The following MYOM2 variants were observed in gnomAD, a reference collection of about 807,000 sequenced individuals.
The protein encoded by MYOM2 is myomesin 2.
MYOM2 carries 254 observed loss-of-function variants against 187.6 expected under a neutral mutation model. The observed-to-expected ratio is 1.35, with a 90% CI of 1.22 to 1.50. MYOM2 has a LOEUF of 1.50. Ranked by LOEUF, MYOM2 falls within the 40% of genes most tolerant of loss-of-function variation. The probability of loss-of-function intolerance (pLI) is 0.00; values close to 1 mark genes in which losing one functional copy is unlikely to be tolerated. For missense variants in MYOM2, 2,796 were observed against 1,924.0 expected, an observed-to-expected ratio of 1.45 and a Z score of -8.48; for synonymous variants, 981 against 753.8, an observed-to-expected ratio of 1.30 and a Z score of -4.94.
chr8:2,100,979 C>T lies in MYOM2; in HGVS notation c.2544C>T (p.Phe848=), dbSNP rs558634230. ...YSGSSPVSGY[F]VDFREEDAGE... The stretch of plus-strand genomic sequence containing the variant: ...GCAGCAGCCCTGTTTCTGGATATTT[C>T]GTGGACTTCAGGGAGGAGGATGCTG... Residue 848 remains phenylalanine (F), a synonymous_variant, in exon 20 of 37, where the codon TTC becomes TTT. Transcript: ENST00000262113. The T allele has an allele frequency of 3.2e-5, 51 of 1,614,144 alleles. No homozygotes were observed. The highest frequency in any genetic ancestry group is 3.0e-4 in the Admixed American group (18 of 60,014).
chr8:2,117,986 AT>A (rs1417108210), intron 28 of MYOM2, 34 bp downstream of exon 28: 2 of 1,592,002 alleles, frequency 1.3e-6, no homozygotes, highest in Admixed American at 3.4e-5. Flanking sequence ...AAAACAATAA[AT>A]CTCATTCTGG....
intron 22 of MYOM2, 46 bp downstream of exon 22, chr8:2,106,444 C>T (rs772785205): frequency 1.2e-6 from 2 of 1,610,480 alleles, no homozygotes; most frequent in Non-Finnish European, 1.7e-6. Flanking sequence ...TTAGAAGTTC[C>T]TGCAAACAGA....
At chr8:2,131,682 C>T (rs1357915442) in intron 32 of MYOM2, among the ~76,000 whole-genome samples, 4 of 144,032 alleles carry the variant, frequency 2.8e-5, no homozygotes. Flanking sequence ...CTCACTCTGT[C>T]ACCCAGGCTG....
At chr8:2,100,017 TTTCCTTCCTTCCTTCTTTCCTTCCTTCC>T (rs1796629947) in intron 19 of MYOM2, among the ~76,000 whole-genome samples, 2 of 136,260 alleles carry the variant, frequency 1.5e-5, no homozygotes, top group South Asian at 2.4e-4. Context: ...CCTTCCTTTC[TTTCCTTCCTTCCTTCTTTCCTTCCTTCC>T]TTCTTTCCTT....
chr8:2,084,046 C>G (rs1239084764), intron 13 of MYOM2, among the ~76,000 whole-genome samples: 1 of 152,258 alleles, frequency 6.6e-6, no homozygotes, highest in Non-Finnish European at 1.5e-5. Context: ...CTTCCCTCAT[C>G]AGCACCTCTG....
intron 32 of MYOM2, among the ~76,000 whole-genome samples, chr8:2,135,771 C>A (rs2116903273): frequency 6.6e-6 from 1 of 152,178 alleles, no homozygotes; most frequent in South Asian, 2.1e-4. Context: ...TTTTAATATC[C>A]CTATATGTCC....
intron 14 of MYOM2, among the ~76,000 whole-genome samples, chr8:2,087,968 C>T (rs1002134282): frequency 4.6e-5 from 7 of 152,156 alleles, no homozygotes; most frequent in African/African-American, 1.7e-4. Flanking sequence ...AGAGAGAGGA[C>T]TCCACCGTGG....
chr8:2,056,565 A>T (rs1366894791), intron 3 of MYOM2, among the ~76,000 whole-genome samples: 1 of 152,122 alleles, frequency 6.6e-6, no homozygotes, highest in Non-Finnish European at 1.5e-5. Context: ...TTAATCCTTT[A>T]TTTATTATTA....
chr8:2,099,421 A>T (rs995804879), intron 19 of MYOM2, among the ~76,000 whole-genome samples: 2 of 151,778 alleles, frequency 1.3e-5, no homozygotes, highest in African/African-American at 4.8e-5. Context: ...TTCGTGGGTT[A>T]GCTCCTGCAG....
chr8:2,065,483 T>C (rs1818988905), intron 6 of MYOM2, among the ~76,000 whole-genome samples: 1 of 152,060 alleles, frequency 6.6e-6, no homozygotes, highest in Non-Finnish European at 1.5e-5. Context: ...GGCAGGAGAA[T>C]TGCTTGAACC....
intron 32 of MYOM2, among the ~76,000 whole-genome samples, chr8:2,132,528 G>C (rs2116891629): frequency 6.6e-6 from 1 of 152,168 alleles, no homozygotes; most frequent in Non-Finnish European, 1.5e-5. Flanking sequence ...TGAACATATT[G>C]ACCACTGAAG....
chr8:2,066,308 C>A (rs955543475), intron 6 of MYOM2, among the ~76,000 whole-genome samples: 5 of 152,202 alleles, frequency 3.3e-5, no homozygotes, highest in Admixed American at 6.5e-5. Context: ...ACAGGACAGG[C>A]TCCAGGTCAG....
chr8:2,045,783 A>G (rs1818292680), intron 1 of MYOM2, among the ~76,000 whole-genome samples: 1 of 152,156 alleles, frequency 6.6e-6, no homozygotes, highest in Admixed American at 6.5e-5. Context: ...CACTCCGCTG[A>G]TAGAGGCTGT....
chr8:2,085,043 C>T (rs1819761564), intron 13 of MYOM2: 3 of 525,200 alleles, frequency 5.7e-6, no homozygotes, highest in South Asian at 2.9e-5. Flanking sequence ...TTCCTATGAA[C>T]AGGCTTATAT....
intron 19 of MYOM2, among the ~76,000 whole-genome samples, chr8:2,099,295 C>A (rs950185142): frequency 6.6e-6 from 1 of 152,192 alleles, no homozygotes; most frequent in Non-Finnish European, 1.5e-5. Context: ...CATCCCCTGA[C>A]CTATGACACG....
chr8:2,093,935 C>T (rs1215440022), intron 16 of MYOM2, 35 bp from the exon 17 acceptor site: 42 of 1,599,626 alleles, frequency 2.6e-5, no homozygotes, highest in Non-Finnish European at 3.6e-5. Flanking sequence ...AAAGTGGAGC[C>T]TGGCAGTTCT....
At chr8:2,117,263 G>C (rs909199356) in intron 27 of MYOM2, among the ~76,000 whole-genome samples, 20 of 151,532 alleles carry the variant, frequency 1.3e-4, no homozygotes, top group Non-Finnish European at 2.4e-4. Flanking sequence ...TATGAAAGAA[G>C]TGAACACATA....
chr8:2,095,838 T>C (rs1020937245), intron 17 of MYOM2, among the ~76,000 whole-genome samples: 1 of 152,210 alleles, frequency 6.6e-6, no homozygotes. Context: ...TGGAATCGTA[T>C]CTGTCATCTC....
intron 25 of MYOM2, among the ~76,000 whole-genome samples, chr8:2,110,896 A>G (rs1316366787): frequency 6.6e-6 from 1 of 152,216 alleles, no homozygotes; most frequent in East Asian, 1.9e-4. Context: ...TCCCATGAGA[A>G]TCATGACACA....
Sources: allele counts gnomAD v4.1 joint callset (sites outside exome capture counted in the v4.1 genomes callset), GRCh38; gene constraint gnomAD v4.1.1; transcripts MANE v1.5; gene names NCBI Gene and HGNC (gene_info 2026-07-23, HGNC 2026-07-21).